Variants in CEP20 observed in about 807,000 individuals in gnomAD.
The protein encoded by CEP20 is centrosomal protein 20.
A neutral mutation model predicts 20.0 loss-of-function variants in CEP20; 18 were observed. The ratio of observed to expected loss-of-function variants is 0.90; its 90% CI spans 0.62 to 1.34. CEP20 has a LOEUF of 1.34. CEP20 is among the 40% of genes most tolerant of loss of function. The probability of loss-of-function intolerance (pLI) is 0.00; values close to 1 mark genes in which losing one functional copy is unlikely to be tolerated. For synonymous variants in CEP20, 77 were observed against 73.7 expected, an observed-to-expected ratio of 1.04 and a Z score of -0.23; for missense variants, 215 against 201.6, an observed-to-expected ratio of 1.07 and a Z score of -0.40.
At chr16:15,868,338 C>T (rs72773946) in intron 4 of CEP20, among the ~76,000 whole-genome samples, 10,119 of 151,584 alleles carry the variant, frequency 0.067, 454 homozygotes, top group East Asian at 0.22. Flanking sequence ...GCAGGAGAAT[C>T]GCTTGAACTC....
chr16:15,877,622 C>T (rs2044986592), intron 3 of CEP20, among the ~76,000 whole-genome samples: 1 of 152,034 alleles, frequency 6.6e-6, no homozygotes, highest in Admixed American at 6.6e-5. Context: ...CAAAAATTGG[C>T]CAGGCATGAT....
In CEP20 at chr16:15,884,158, CT is replaced by C; in HGVS notation, c.75del (p.Ala26GlnfsTer11). The C allele has an allele frequency of 6.2e-7, 1 of 1,614,038 alleles. No homozygotes were observed. Among genetic ancestry groups the C allele is most frequent in the Non-Finnish European group, 8.5e-7 (1 of 1,179,916 alleles). ...TTGAAAACTTCAGCTCGGATCCTTG[CT>C]TTTAAATGCCCTAATACCCCCTTTT... ...LEKKGVLGHL[K>X]ARIRAEVFNA... On this transcript the variant is annotated frameshift_variant, in exon 2 of 5. Coordinates refer to ENST00000255759, the MANE Select transcript of CEP20 (RefSeq NM_144600.4). LOFTEE classifies it high-confidence loss of function.
intron 1 of CEP20, among the ~76,000 whole-genome samples, chr16:15,887,337 C>T (rs1341154370): frequency 6.6e-6 from 1 of 152,194 alleles, no homozygotes; most frequent in Non-Finnish European, 1.5e-5. Flanking sequence ...TGTTCACCAG[C>T]CCTGTCCCCA....
At chr16:15,885,387 G>A (rs925902619) in intron 1 of CEP20, among the ~76,000 whole-genome samples, 1 of 151,960 alleles carries the variant, frequency 6.6e-6, no homozygotes, top group Non-Finnish European at 1.5e-5. Context: ...GTGAAAAGGT[G>A]TTGGGTTTTT....
chr16:15,873,717 C>G, intron 3 of CEP20, 90 bp from the exon 4 acceptor site: 1 of 1,350,232 alleles, frequency 7.4e-7, no homozygotes, highest in South Asian at 1.8e-5. Context: ...TAAAAGGTAA[C>G]CTCTGACATC....
In CEP20 at chr16:15,867,080, G is replaced by A. The variant is rs1476821626; in HGVS notation, c.*360C>T. On this transcript the variant is annotated 3_prime_UTR_variant, in exon 5 of 5. Transcript: ENST00000255759. ...AAAACTACTCCGGTGTGGTGGCACA[G>A]GCCTGTTTTCCCAGCTACTTGGGAG... The A allele has an allele frequency of 5.5e-6, 1 of 180,328 alleles. No homozygotes were observed. Among genetic ancestry groups the A allele is most frequent in the Non-Finnish European group, 1.2e-5 (1 of 84,492 alleles). The allele number at this position is 180,328 out of a possible 1,614,324, so 11.2% of individuals were successfully genotyped here. A position where few individuals can be genotyped will look rare whatever the true frequency, so the allele number is the denominator to read the frequency against.
chr16:15,888,022 G>A (rs2045286445), intron 1 of CEP20, among the ~76,000 whole-genome samples: 1 of 151,048 alleles, frequency 6.6e-6, no homozygotes, highest in African/African-American at 2.4e-5. Context: ...AAGCTGCAGT[G>A]AGCTGTGATC....
intron 2 of CEP20, among the ~76,000 whole-genome samples, chr16:15,882,762 T>TACACACACACA (rs1312550555): frequency 3.4e-5 from 4 of 118,674 alleles, no homozygotes; most frequent in East Asian, 2.5e-4. Flanking sequence ...TATCTATCTA[T>TACACACACACA]CTATCTATCT....
chr16:15,875,464 T>C (rs900499908), intron 3 of CEP20, among the ~76,000 whole-genome samples: 7 of 151,932 alleles, frequency 4.6e-5, no homozygotes, highest in African/African-American at 9.7e-5. Context: ...CTGAACAACA[T>C]AGCGAGTCCC....
chr16:15,881,281 T>C (rs952739699), intron 2 of CEP20, among the ~76,000 whole-genome samples: 1 of 152,172 alleles, frequency 6.6e-6, no homozygotes, highest in Admixed American at 6.5e-5. Flanking sequence ...TATGAAAACT[T>C]GACTACTGTC....
intron 1 of CEP20, among the ~76,000 whole-genome samples, chr16:15,887,561 G>A (rs962277179): frequency 2.6e-5 from 4 of 152,078 alleles, no homozygotes; most frequent in South Asian, 4.1e-4. Flanking sequence ...TCAGTACCTC[G>A]TTTCCCAGTC....
intron 1 of CEP20, among the ~76,000 whole-genome samples, chr16:15,887,856 G>C (rs2045281087): frequency 1.3e-5 from 2 of 151,898 alleles, no homozygotes. Flanking sequence ...CACTTTGAGG[G>C]GGCCAAGGCA....
chr16:15,882,778 T>TACACACACACA (rs763098969), intron 2 of CEP20, among the ~76,000 whole-genome samples: 3,694 of 50,580 alleles, frequency 0.073, 73 homozygotes, highest in East Asian at 0.2. Flanking sequence ...TATCTATCTA[T>TACACACACACA]CTAGATACAC....
intron 2 of CEP20, among the ~76,000 whole-genome samples, chr16:15,881,827 A>C (rs2045104457): frequency 6.6e-6 from 1 of 152,178 alleles, no homozygotes; most frequent in Non-Finnish European, 1.5e-5. Context: ...TCAAGAAATA[A>C]AATTCAACAG....
intron 1 of CEP20, chr16:15,886,183 G>C (rs565175061): frequency 1.3e-5 from 2 of 152,332 alleles, no homozygotes; most frequent in South Asian, 2.1e-4. Flanking sequence ...CATAAAGAGA[G>C]CCCAGGAGCT....
intron 2 of CEP20, among the ~76,000 whole-genome samples, chr16:15,880,595 C>T (rs2045074126): frequency 6.6e-6 from 1 of 152,082 alleles, no homozygotes; most frequent in Non-Finnish European, 1.5e-5. Context: ...ATGTATTACA[C>T]TAAGTGAAAA....
chr16:15,878,804 T>C (rs2045022389), intron 3 of CEP20, among the ~76,000 whole-genome samples: 1 of 152,156 alleles, frequency 6.6e-6, no homozygotes, highest in African/African-American at 2.4e-5. Flanking sequence ...TGGCTAGAGA[T>C]GGGGTTTCCC....
At chr16:15,888,463 AC>A (rs2045299177) in intron 1 of CEP20, 94 bp downstream of exon 1, 1 of 1,533,754 alleles carries the variant, frequency 6.5e-7, no homozygotes, top group Non-Finnish European at 9.0e-7. Flanking sequence ...GTAAAAGCCA[AC>A]CCATGTGTTC....
chr16:15,879,484 C>T (rs1310687242), intron 3 of CEP20, among the ~76,000 whole-genome samples: 1 of 151,712 alleles, frequency 6.6e-6, no homozygotes, highest in African/African-American at 2.4e-5. Flanking sequence ...CTTGCCTCTA[C>T]AAAAATAATT....
Sources: gnomAD v4.1 joint callset for allele counts (sites outside exome capture counted in the v4.1 genomes callset) on GRCh38, gnomAD v4.1.1 for gene constraint, MANE v1.5 for transcripts, NCBI Gene and HGNC (gene_info 2026-07-23, HGNC 2026-07-21) for gene names.